Variants in CYP7B1 observed in about 807,000 individuals in gnomAD.
The protein encoded by CYP7B1 is cytochrome P450 7B1.
In CYP7B1, 29 loss-of-function variants were observed where a neutral mutation model predicts 42.7. The observed-to-expected ratio is 0.68, with a 90% CI of 0.51 to 0.93. The LOEUF is 0.93. Ranked by LOEUF, CYP7B1 falls within the 40% of genes least tolerant of loss-of-function variation. The probability of loss-of-function intolerance (pLI) is 0.00; values close to 1 mark genes in which losing one functional copy is unlikely to be tolerated. For synonymous variants in CYP7B1, 235 were observed against 218.2 expected, an observed-to-expected ratio of 1.08 and a Z score of -0.68; for missense variants, 655 against 600.5, an observed-to-expected ratio of 1.09 and a Z score of -0.95.
At chr8:64,747,323 T>A (rs2129633414) in intron 1 of CYP7B1, among the ~76,000 whole-genome samples, 1 of 149,502 alleles carries the variant, frequency 6.7e-6, no homozygotes, top group East Asian at 1.9e-4. Flanking sequence ...ATATATAAAG[T>A]GTATAGCTGA....
intron 4 of CYP7B1, among the ~76,000 whole-genome samples, chr8:64,612,411 C>T (rs959959057): frequency 1.3e-5 from 2 of 151,976 alleles, no homozygotes; most frequent in Non-Finnish European, 2.9e-5. Flanking sequence ...TAAGCAGAAT[C>T]TTAACAAGAT....
chr8:64,595,047 C>T lies in CYP7B1; in HGVS notation c.*1595G>A, dbSNP rs1474877712. ...ACTACCTATTGAGTAATTAAACTCA[C>T]TAACGGCTATCCGCCCAATAACAAC... On this transcript the variant is annotated 3_prime_UTR_variant, in exon 6 of 6. Transcript: ENST00000310193. Among the ~76,000 whole-genome samples, 2 of 152,238 alleles carry T rather than the reference C, an allele frequency of 1.3e-5. No individual in the cohort carries two copies. The highest frequency in any genetic ancestry group is 2.9e-5 in the Non-Finnish European group (2 of 68,040).
At chr8:64,731,613 C>T (rs181949447) in intron 1 of CYP7B1, among the ~76,000 whole-genome samples, 13 of 152,260 alleles carry the variant, frequency 8.5e-5, no homozygotes, top group African/African-American at 2.2e-4. Context: ...CAGAAATTTG[C>T]GTAAGTACCA....
At chr8:64,725,501 T>C (rs1300744122) in intron 1 of CYP7B1, among the ~76,000 whole-genome samples, 1 of 152,186 alleles carries the variant, frequency 6.6e-6, no homozygotes, top group Non-Finnish European at 1.5e-5. Context: ...CCTCAATACA[T>C]TGTGATTCTT....
chr8:64,587,199 G>A (rs1804979593), downstream of CYP7B1, among the ~76,000 whole-genome samples: 1 of 152,100 alleles, frequency 6.6e-6, no homozygotes, highest in East Asian at 1.9e-4. Context: ...TGACGTCCAC[G>A]CAGCACTCGC....
intron 1 of CYP7B1, among the ~76,000 whole-genome samples, chr8:64,740,971 C>A (rs1254918874): frequency 6.6e-6 from 1 of 152,098 alleles, no homozygotes; most frequent in African/African-American, 2.4e-5. Flanking sequence ...CAGAACACTT[C>A]CTAACTCATC....
rs1804754698 is a variant in CYP7B1 at position 64,798,692 on chromosome 8, C to A, written c.-105G>T. ...GCTTCTCTCGGCGGCGCCCCCTAGT[C>A]CAGGGCCGGAGAGGCTGGCCTGCCC... is the stretch of plus-strand genomic sequence containing the variant. On this transcript the variant is annotated 5_prime_UTR_variant, in exon 1 of 6. Transcript: ENST00000310193. 7.0e-6 allele frequency: 9 copies of A among 1,289,352 alleles called. No homozygotes were observed. The highest frequency in any genetic ancestry group is 9.1e-6 in the Non-Finnish European group (9 of 992,780). 79.9% of individuals were successfully genotyped at this position (1,289,352 alleles called of 1,614,324 possible). A position where few individuals can be genotyped will look rare whatever the true frequency, so the allele number is the denominator to read the frequency against.
intron 1 of CYP7B1, among the ~76,000 whole-genome samples, chr8:64,728,340 T>C (rs759927360): frequency 6.6e-6 from 1 of 152,214 alleles, no homozygotes; most frequent in Non-Finnish European, 1.5e-5. Context: ...ATCCTTGTGC[T>C]GGTTTCAGTG....
intron 4 of CYP7B1, among the ~76,000 whole-genome samples, chr8:64,611,358 A>G (rs1805360634): frequency 6.6e-6 from 1 of 152,212 alleles, no homozygotes; most frequent in African/African-American, 2.4e-5. Context: ...TGTCCTCCAG[A>G]GTATCCTGGT....
chr8:64,725,757 T>C (rs1041646442), intron 1 of CYP7B1, among the ~76,000 whole-genome samples: 1 of 152,128 alleles, frequency 6.6e-6, no homozygotes, highest in Admixed American at 6.5e-5. Context: ...AAACAGAAAA[T>C]ATGACTATGA....
intron 1 of CYP7B1, among the ~76,000 whole-genome samples, chr8:64,629,012 C>T (rs1320291474): frequency 1.3e-5 from 2 of 151,916 alleles, no homozygotes; most frequent in Admixed American, 6.6e-5. Flanking sequence ...CGGATCATGA[C>T]GTCAAGAGTT....
rs577933260 is a variant in CYP7B1 at position 64,607,788 on chromosome 8, T to C, written c.1058-2931A>G. On this transcript the variant is annotated intron_variant, in intron 4 of 5. Coordinates refer to ENST00000310193, the MANE Select transcript of CYP7B1 (RefSeq NM_004820.5). ...ATGATCTCTATCTGTAAATGTTTTATAAAACTTATTGTGTATAATGGATTG... is the reference window on the plus strand; with the variant it reads ...ATGATCTCTATCTGTAAATGTTTTACAAAACTTATTGTGTATAATGGATTG... Among the ~76,000 whole-genome samples the C allele has an allele frequency of 4.6e-5, 7 of 152,372 alleles. No individual in the cohort carries two copies. In the South Asian group the frequency reaches 1.4e-3, roughly 32 times the overall value.
At chr8:64,723,914 T>C (rs1304745018) in intron 1 of CYP7B1, among the ~76,000 whole-genome samples, 1 of 152,154 alleles carries the variant, frequency 6.6e-6, no homozygotes, top group African/African-American at 2.4e-5. Flanking sequence ...AGGACAATTT[T>C]TCATGATATA....
At chr8:64,745,633 A>G (rs558687185) in intron 1 of CYP7B1, among the ~76,000 whole-genome samples, 40 of 151,906 alleles carry the variant, frequency 2.6e-4, no homozygotes, top group African/African-American at 8.4e-4. Context: ...GGGTATAATC[A>G]TTTTTCCTCC....
intron 1 of CYP7B1, among the ~76,000 whole-genome samples, chr8:64,653,164 T>C (rs948771272): frequency 6.6e-6 from 1 of 152,004 alleles, no homozygotes; most frequent in Non-Finnish European, 1.5e-5. Context: ...CTGAACTGAA[T>C]AAAATTGAGA....
At chr8:64,612,799 C>T (rs1324387110) in intron 4 of CYP7B1, among the ~76,000 whole-genome samples, 2 of 152,048 alleles carry the variant, frequency 1.3e-5, no homozygotes, top group Non-Finnish European at 2.9e-5. Flanking sequence ...ACATAGAACT[C>T]TTTCCTTAAG....
intron 1 of CYP7B1, among the ~76,000 whole-genome samples, chr8:64,748,726 C>T (rs1477233953): frequency 6.6e-6 from 1 of 152,136 alleles, no homozygotes; most frequent in Admixed American, 6.5e-5. Context: ...ACAACAAAAC[C>T]CTTACTGAAC....
At chr8:64,740,456 C>T (rs1377183534) in intron 1 of CYP7B1, among the ~76,000 whole-genome samples, 1 of 151,176 alleles carries the variant, frequency 6.6e-6, no homozygotes, top group African/African-American at 2.4e-5. Flanking sequence ...AAATGAGCAA[C>T]TTAAGCATAA....
chr8:64,611,462 T>C (rs1805362296), intron 4 of CYP7B1, among the ~76,000 whole-genome samples: 3 of 152,264 alleles, frequency 2.0e-5, no homozygotes, highest in Admixed American at 6.5e-5. Flanking sequence ...TCATTATTAT[T>C]TGTTATTAAA....
Sources: allele counts gnomAD v4.1 joint callset (sites outside exome capture counted in the v4.1 genomes callset), GRCh38; gene constraint gnomAD v4.1.1; transcripts MANE v1.5; gene names NCBI Gene and HGNC (gene_info 2026-07-23, HGNC 2026-07-21).